Variants in LUZP2 observed in about 807,000 individuals in gnomAD.
The protein encoded by LUZP2 is leucine zipper protein 2.
In LUZP2, 52 loss-of-function variants were observed where a neutral mutation model predicts 51.6. The ratio of observed to expected loss-of-function variants is 1.01; its 90% CI spans 0.81 to 1.27. The LOEUF (loss-of-function observed/expected upper bound fraction) is 1.27. Among genes scored for constraint, LUZP2 ranks in the 50% most tolerant of loss-of-function variants. LUZP2 has a pLI of 0.00. For missense variants in LUZP2, 436 were observed against 395.4 expected, an observed-to-expected ratio of 1.10 and a Z score of -0.87; for synonymous variants, 154 against 137.3, an observed-to-expected ratio of 1.12 and a Z score of -0.85.
In LUZP2 at chr11:24,926,258, TGTGTATATATATAC is replaced by T. The variant is rs1183532311; in HGVS notation, c.522+11734_522+11747del. Among the ~76,000 whole-genome samples, 951 of 142,806 alleles carry T rather than the reference TGTGTATATATATAC, an allele frequency of 6.7e-3. 40 individuals are homozygous for T. Among genetic ancestry groups the T allele is most frequent in the African/African-American group, 0.024 (900 of 37,364 alleles). The allele number at this position is 142,806 out of a possible 152,430, so 93.7% of individuals were successfully genotyped here. A position where few individuals can be genotyped will look rare whatever the true frequency, so the allele number is the denominator to read the frequency against. ...ATATGTGTGTGTATATATATACGTG[TGTGTATATATATAC>T]GTGTATATATATATACGTGTGTATA... On this transcript the variant is annotated intron_variant, in intron 7 of 11. Coordinates refer to ENST00000336930, the MANE Select transcript of LUZP2 (RefSeq NM_001009909.4).
At chr11:24,678,383 C>A (rs773416602) in intron 1 of LUZP2, among the ~76,000 whole-genome samples, 100 of 152,200 alleles carry the variant, frequency 6.6e-4, no homozygotes, top group Non-Finnish European at 1.3e-3. Flanking sequence ...GGATGGGCCA[C>A]AAACCCCAGC....
At chr11:24,749,304 A>G (rs1859492484) in intron 4 of LUZP2, among the ~76,000 whole-genome samples, 1 of 152,212 alleles carries the variant, frequency 6.6e-6, no homozygotes, top group Admixed American at 6.5e-5. Context: ...AAGTGAGTAC[A>G]TTTAAACAGC....
rs200424558 is a variant in LUZP2, at chr11:24,711,450, AAAATAAATAAATAAAT to A, written c.63-17691_63-17676del. ...GGGCGACAGAGCGAGACTCCATCTC[AAAATAAATAAATAAAT>A]AAATAAATAAATAAATAAATAAATA... is the stretch of plus-strand genomic sequence containing the variant. On this transcript the variant is annotated intron_variant, in intron 1 of 11. Coordinates refer to ENST00000336930, the MANE Select transcript of LUZP2 (RefSeq NM_001009909.4). Among the ~76,000 whole-genome samples the A allele has an allele frequency of 3.9e-3, 554 of 143,120 alleles. 3 individuals carry two copies. Among genetic ancestry groups the A allele is most frequent in the African/African-American group, 9.8e-3 (373 of 37,972 alleles). 93.9% of individuals were successfully genotyped at this position (143,120 alleles called of 152,430 possible).
chr11:24,673,408 G>A (rs768209853), intron 1 of LUZP2, among the ~76,000 whole-genome samples: 2 of 152,108 alleles, frequency 1.3e-5, no homozygotes, highest in Non-Finnish European at 2.9e-5. Context: ...CTCTACACCA[G>A]CTTTAGTCCT....
At chr11:24,991,390 GTGTGTGTATATA>G (rs1554951036) in intron 9 of LUZP2, among the ~76,000 whole-genome samples, 1,096 of 63,562 alleles carry the variant, frequency 0.017, 14 homozygotes, top group African/African-American at 0.039. Context: ...GTGTGTGTGT[GTGTGTGTATATA>G]TATATATATA....
At chr11:24,553,923 A>G (rs1164539591) in intron 1 of LUZP2, among the ~76,000 whole-genome samples, 1 of 152,208 alleles carries the variant, frequency 6.6e-6, no homozygotes, top group African/African-American at 2.4e-5. Context: ...TTGGGGCTAA[A>G]AAGACTTTGA....
At chr11:24,601,662 T>G (rs1853640874) in intron 1 of LUZP2, among the ~76,000 whole-genome samples, 1 of 151,576 alleles carries the variant, frequency 6.6e-6, no homozygotes, top group African/African-American at 2.4e-5. Flanking sequence ...TATTTTAAAT[T>G]TTAAATTGTT....
chr11:24,804,133 C>T (rs1180956644), intron 5 of LUZP2, among the ~76,000 whole-genome samples: 2 of 152,002 alleles, frequency 1.3e-5, no homozygotes, highest in Non-Finnish European at 2.9e-5. Flanking sequence ...TCAATTTTCA[C>T]ACTAATTTAT....
rs78983042 is a variant in LUZP2 at position 24,820,372 on chromosome 11, T to C, written c.396+57064T>C. Among the ~76,000 whole-genome samples the C allele has an allele frequency of 3.8e-3, 578 of 152,218 alleles. 6 individuals carry two copies. The highest frequency in any genetic ancestry group is 0.013 in the African/African-American group (560 of 41,564). On this transcript the variant is annotated intron_variant, in intron 5 of 11. Coordinates refer to ENST00000336930, the MANE Select transcript of LUZP2 (RefSeq NM_001009909.4). ...CAATGAGGATGTATTTGTGTGGATG[T>C]GTATGGTGGGGAAAGACACCGGTTC...
At chr11:24,748,837 T>C (rs1859475727) in intron 4 of LUZP2, among the ~76,000 whole-genome samples, 1 of 152,138 alleles carries the variant, frequency 6.6e-6, no homozygotes, top group African/African-American at 2.4e-5. Context: ...CACATACACA[T>C]ACGTAAGGGA....
At chr11:25,040,589 C>T (rs750938731) in intron 9 of LUZP2, among the ~76,000 whole-genome samples, 18 of 151,922 alleles carry the variant, frequency 1.2e-4, no homozygotes, top group Non-Finnish European at 2.1e-4. Flanking sequence ...ACTCAGTGGA[C>T]CTCTCAGTCT....
chr11:24,626,093 G>A (rs1401451885), intron 1 of LUZP2, among the ~76,000 whole-genome samples: 3 of 152,132 alleles, frequency 2.0e-5, no homozygotes, highest in African/African-American at 7.2e-5. Flanking sequence ...CAACCTCGGA[G>A]GGTTATTTTC....
intron 5 of LUZP2, among the ~76,000 whole-genome samples, chr11:24,881,424 G>C (rs571005830): frequency 6.6e-6 from 1 of 151,666 alleles, no homozygotes; most frequent in African/African-American, 2.4e-5. Context: ...TGCAAGGATG[G>C]ATGAGTCATG....
chr11:25,005,031 T>G (rs1856795146), intron 9 of LUZP2, among the ~76,000 whole-genome samples: 1 of 152,178 alleles, frequency 6.6e-6, no homozygotes, highest in Non-Finnish European at 1.5e-5. Context: ...CCTATCAGGA[T>G]CATCTGAAAA....
intron 1 of LUZP2, among the ~76,000 whole-genome samples, chr11:24,667,555 C>T (rs1167337566): frequency 6.6e-6 from 1 of 152,132 alleles, no homozygotes; most frequent in African/African-American, 2.4e-5. Flanking sequence ...AAACTATGCA[C>T]TCTGTGTAAT....
At chr11:24,643,590 T>C (rs1004403610) in intron 1 of LUZP2, among the ~76,000 whole-genome samples, 2 of 152,200 alleles carry the variant, frequency 1.3e-5, no homozygotes, top group East Asian at 1.9e-4. Flanking sequence ...ACATAAGGCC[T>C]ACGCATCATG....
intron 9 of LUZP2, among the ~76,000 whole-genome samples, chr11:25,040,343 A>ATTTTTTTTTTTTTTTTTTTCT (rs1858014311): frequency 1.0e-5 from 1 of 98,828 alleles, no homozygotes. Flanking sequence ...TTTCTTTCCG[A>ATTTTTTTTTTTTTTTTTTTCT]TTTTTTTTTT....
chr11:24,844,756 A>G (rs1851146149), intron 5 of LUZP2, among the ~76,000 whole-genome samples: 1 of 152,192 alleles, frequency 6.6e-6, no homozygotes, highest in Non-Finnish European at 1.5e-5. Flanking sequence ...CATGGCTGAA[A>G]GAGGCCAACA....
At chr11:24,649,605 T>G (rs1202582079) in intron 1 of LUZP2, among the ~76,000 whole-genome samples, 1 of 151,936 alleles carries the variant, frequency 6.6e-6, no homozygotes, top group Non-Finnish European at 1.5e-5. Flanking sequence ...GTCACTAATA[T>G]ATTTTTGCTT....
Sources: allele counts gnomAD v4.1 joint callset (sites outside exome capture counted in the v4.1 genomes callset), GRCh38; gene constraint gnomAD v4.1.1; transcripts MANE v1.5; gene names NCBI Gene and HGNC (gene_info 2026-07-23, HGNC 2026-07-21).